Variants in XXYLT1 observed in about 807,000 individuals in gnomAD.
The protein encoded by XXYLT1 is UDP-xylose:alpha-xyloside alpha-1,3-xylosyltransferase.
A neutral mutation model predicts 28.9 loss-of-function variants in XXYLT1; 20 were observed. The observed-to-expected ratio is 0.69, with a 90% CI of 0.49 to 1.00. The LOEUF is 1.00. XXYLT1 is among the 50% of genes least tolerant of loss of function. The pLI is 0.00. For synonymous variants in XXYLT1, 257 were observed against 253.8 expected, an observed-to-expected ratio of 1.01 and a Z score of -0.12; for missense variants, 542 against 560.1, an observed-to-expected ratio of 0.97 and a Z score of 0.33.
chr3:195,143,267 G>T (rs1448582852), intron 3 of XXYLT1, among the ~76,000 whole-genome samples: 1 of 152,186 alleles, frequency 6.6e-6, no homozygotes, highest in Non-Finnish European at 1.5e-5. Context: ...GCCTTGCGGG[G>T]TGCAGCCCAC....
chr3:195,143,218 A>G (rs563472068), intron 3 of XXYLT1, among the ~76,000 whole-genome samples: 2 of 152,216 alleles, frequency 1.3e-5, no homozygotes, highest in Non-Finnish European at 2.9e-5. Flanking sequence ...GCCCCTAAAC[A>G]AAACTCTAGG....
chr3:195,247,268 C>T (rs1007617308), intron 1 of XXYLT1, among the ~76,000 whole-genome samples: 2 of 152,314 alleles, frequency 1.3e-5, no homozygotes, highest in African/African-American at 4.8e-5. Context: ...GGTGGTCGGT[C>T]ACAGTCCACG....
At chr3:195,169,828 T>A (rs2108712059) in intron 2 of XXYLT1, among the ~76,000 whole-genome samples, 1 of 151,032 alleles carries the variant, frequency 6.6e-6, no homozygotes, top group South Asian at 2.1e-4. Context: ...GTGTGTCAAA[T>A]GTATATTAAT....
At chr3:195,247,773 G>GC (rs1202158709) in intron 1 of XXYLT1, 4 of 702,366 alleles carry the variant, frequency 5.7e-6, no homozygotes, top group Admixed American at 2.0e-5. Context: ...TGGACTCACA[G>GC]TTCTGCCTGG....
chr3:195,102,276 TTG>T (rs1202274830), intron 3 of XXYLT1, among the ~76,000 whole-genome samples: 1 of 152,202 alleles, frequency 6.6e-6, no homozygotes, highest in East Asian at 1.9e-4. Flanking sequence ...TTACTCATCT[TTG>T]TGTGTGTGGC....
chr3:195,221,105 A>AG (rs1469582038), intron 2 of XXYLT1, among the ~76,000 whole-genome samples: 3 of 152,186 alleles, frequency 2.0e-5, no homozygotes, highest in Non-Finnish European at 4.4e-5. Flanking sequence ...CCGTAACCTC[A>AG]GTCTAATGAT....
At chr3:195,213,548 G>A (rs2108782755) in intron 2 of XXYLT1, among the ~76,000 whole-genome samples, 1 of 152,288 alleles carries the variant, frequency 6.6e-6, no homozygotes, top group South Asian at 2.1e-4. Context: ...ACAGGCGTGA[G>A]CCACCACGCC....
Position 195,270,715 on chromosome 3 carries a change from T to C in XXYLT1, c.344A>G (p.Gln115Arg), listed in dbSNP as rs761754446. Residue 115 changes from glutamine to arginine, a missense_variant, in exon 1 of 4, where the codon CAG becomes CGG. Transcript: ENST00000310380. Reference sequence around the variant, plus strand: ...GCGCAGCGCGACGCGGGCCTTGGCCTGCAGCGCGGCATTGTGCTCCGCCTT... The same window carrying C: ...GCGCAGCGCGACGCGGGCCTTGGCCCGCAGCGCGGCATTGTGCTCCGCCTT... ...FTKAEHNAAL[Q>R]AKARVALRSL... is the part of the protein sequence containing the mutation. The C allele has an allele frequency of 1.9e-6, 3 of 1,590,610 alleles. No individual in the cohort carries two copies. Among genetic ancestry groups the C allele is most frequent in the Non-Finnish European group, 2.6e-6 (3 of 1,172,760 alleles).
chr3:195,270,969 G>C lies in XXYLT1; in HGVS notation c.90C>G (p.Ala30=). 6.7e-7 allele frequency: 1 copy of C among 1,488,188 alleles called. No homozygotes were observed. The highest frequency in any genetic ancestry group is 1.3e-5 in the South Asian group (1 of 78,622). 92.2% of individuals were successfully genotyped at this position (1,488,188 alleles called of 1,614,324 possible). Residue 30 remains alanine, a synonymous_variant, in exon 1 of 4, where the codon GCC becomes GCG. Coordinates refer to ENST00000310380, the MANE Select transcript of XXYLT1 (RefSeq NM_152531.5). ...AGAAGGCGCAGACGGCCAGCGCCGC[G>C]GCCAGCAGCAGGGCGCAGTAGTGGG... ...VRSHYCALLL[A]AALAVCAFYY...
At chr3:195,189,738 TG>T (rs1180571073) in intron 2 of XXYLT1, among the ~76,000 whole-genome samples, 2 of 151,992 alleles carry the variant, frequency 1.3e-5, no homozygotes, top group Non-Finnish European at 2.9e-5. Context: ...ATACATGCAA[TG>T]GGAGACCTAG....
chr3:195,223,071 A>C (rs1039511321), intron 2 of XXYLT1, among the ~76,000 whole-genome samples: 10 of 136,146 alleles, frequency 7.3e-5, no homozygotes, highest in African/African-American at 3.3e-4. Flanking sequence ...TAAAAATACA[A>C]AAAAAAAAAA....
chr3:195,137,572 C>T (rs1405827051), intron 3 of XXYLT1, among the ~76,000 whole-genome samples: 1 of 152,202 alleles, frequency 6.6e-6, no homozygotes, highest in Non-Finnish European at 1.5e-5. Flanking sequence ...CAGCACACTC[C>T]CTTTCTAGGC....
At chr3:195,228,715 C>T (rs572018757) in intron 1 of XXYLT1, among the ~76,000 whole-genome samples, 1 of 152,110 alleles carries the variant, frequency 6.6e-6, no homozygotes, top group African/African-American at 2.4e-5. Flanking sequence ...GTCTCGATCT[C>T]CTGACCTCGT....
At chr3:195,191,689 T>A (rs1292560668) in intron 2 of XXYLT1, among the ~76,000 whole-genome samples, 2 of 152,194 alleles carry the variant, frequency 1.3e-5, no homozygotes, top group Non-Finnish European at 2.9e-5. Context: ...AGCTATACCA[T>A]GCATACAATA....
rs749411047 is a variant in XXYLT1 at position 195,257,267 on chromosome 3, G to A, written c.504+13288C>T. 1.6e-4 allele frequency among the ~76,000 whole-genome samples: 24 copies of A among 152,148 alleles called. No homozygotes were observed. The highest frequency in any genetic ancestry group is 5.9e-4 in the Admixed American group (9 of 15,272). ...TTGGCATCCAGCTCCTCCAGTGTGC[G>A]AGCCTATGCAGTCTTACCCATGCCA... On this transcript the variant is annotated intron_variant, in intron 1 of 3. Transcript: ENST00000310380. This position sits in a 1 kb window ranked among gnomAD's most constrained non-coding sequence, Gnocchi z 4.3.
chr3:195,164,904 T>C (rs1721040986), intron 2 of XXYLT1, among the ~76,000 whole-genome samples: 3 of 151,904 alleles, frequency 2.0e-5, no homozygotes, highest in Admixed American at 2.0e-4. Context: ...TGGAGTCCGT[T>C]ATGGGAAGTG....
In XXYLT1 at chr3:195,164,242, A is replaced by G. The variant is rs988026239; in HGVS notation, c.653-7661T>C. Among the ~76,000 whole-genome samples, 5 of 152,362 alleles carry G rather than the reference A, an allele frequency of 3.3e-5. No homozygotes were observed. The South Asian group carries it at 8.3e-4, about 25-fold the overall frequency. On this transcript the variant is annotated intron_variant, in intron 2 of 3. Transcript: ENST00000310380. Reference sequence around the variant, plus strand: ...CGGTCACATGGTCACTAGTGGCAAGATGGGAACTAAGTCCATGTCACTGGC... The same window carrying G: ...CGGTCACATGGTCACTAGTGGCAAGGTGGGAACTAAGTCCATGTCACTGGC...
chr3:195,162,601 C>T (rs1029513803), intron 2 of XXYLT1, among the ~76,000 whole-genome samples: 29 of 152,312 alleles, frequency 1.9e-4, no homozygotes, highest in East Asian at 1.9e-4. Flanking sequence ...TTATAGCGCC[C>T]AGCTCCTGTT....
At position 195,077,474 on chromosome 3, in the gene XXYLT1, C is replaced by T. The variant is rs1715186738; in HGVS notation, c.786-7363G>A. 6.6e-6 allele frequency among the ~76,000 whole-genome samples: 1 copy of T among 152,182 alleles called. No individual in the cohort carries two copies. ...AGAGCTGATGCTGCAAATGCTCCTCCCTGCCCAGGCTTAGGTTGTGGCGGC... is the reference window on the plus strand; with the variant it reads ...AGAGCTGATGCTGCAAATGCTCCTCTCTGCCCAGGCTTAGGTTGTGGCGGC... On this transcript the variant is annotated intron_variant, in intron 3 of 3. Coordinates refer to ENST00000310380, the MANE Select transcript of XXYLT1 (RefSeq NM_152531.5). This position sits in a 1 kb window ranked among gnomAD's most constrained non-coding sequence, Gnocchi z 4.8.
Sources: allele counts gnomAD v4.1 joint callset (sites outside exome capture counted in the v4.1 genomes callset), GRCh38; gene constraint gnomAD v4.1.1; non-coding constraint Gnocchi (gnomAD v3.1); transcripts MANE v1.5; gene names NCBI Gene and HGNC (gene_info 2026-07-23, HGNC 2026-07-21).